Variants in TOP2B observed in about 807,000 individuals in gnomAD.
TOP2B encodes DNA topoisomerase II beta, also known as DNA topoisomerase 2-beta.
A neutral mutation model predicts 193.5 loss-of-function variants in TOP2B; 51 were observed. The observed-to-expected ratio is 0.26, with a 90% CI of 0.21 to 0.33. The LOEUF (loss-of-function observed/expected upper bound fraction) is 0.33. TOP2B is among the 10% of genes least tolerant of loss of function. TOP2B has a pLI of 1.00. For synonymous variants in TOP2B, 634 were observed against 635.7 expected, an observed-to-expected ratio of 1.00 and a Z score of 0.04; for missense variants, 1,378 against 1,909.3, an observed-to-expected ratio of 0.72 and a Z score of 5.19.
chr3:25,659,826 A>G (rs1703857631), intron 1 of TOP2B, among the ~76,000 whole-genome samples: 1 of 152,196 alleles, frequency 6.6e-6, no homozygotes, highest in Non-Finnish European at 1.5e-5. Flanking sequence ...CAATGTTTTT[A>G]AAGTTGAAGG....
intron 4 of TOP2B, 60 bp downstream of exon 4, chr3:25,642,262 T>A: frequency 9.8e-7 from 1 of 1,016,680 alleles, no homozygotes; most frequent in Non-Finnish European, 1.5e-6. Context: ...GGAGTACTCA[T>A]AAATTGGGGA....
intron 3 of TOP2B, 130 bp downstream of exon 3, chr3:25,643,564 T>C: frequency 1.5e-6 from 1 of 650,478 alleles, no homozygotes; most frequent in Non-Finnish European, 2.7e-6. Context: ...TGAAGATCAT[T>C]TATATTCAGA....
intron 1 of TOP2B, among the ~76,000 whole-genome samples, chr3:25,663,637 T>C (rs1286283793): frequency 1.3e-5 from 2 of 152,180 alleles, no homozygotes; most frequent in Non-Finnish European, 2.9e-5. Flanking sequence ...AATCTCACCC[T>C]GACAGAGGGA....
In TOP2B at chr3:25,606,087, C is replaced by A; in HGVS notation, c.4334G>T (p.Gly1445Val). The A allele has an allele frequency of 6.6e-7, 1 of 1,508,130 alleles. No individual in the cohort carries two copies. The highest frequency in any genetic ancestry group is 8.9e-7 in the Non-Finnish European group (1 of 1,119,746). 93.4% of individuals were successfully genotyped at this position (1,508,130 alleles called of 1,614,324 possible). A position where few individuals can be genotyped will look rare whatever the true frequency, so the allele number is the denominator to read the frequency against. Residue 1445 changes from glycine (G) to valine (V), a missense_variant, in exon 32 of 36, where the codon GGA (glycine) becomes GTA (valine). Transcript: ENST00000264331. ...ATATGAAGGAAATGAGAAGAGATTT[C>A]CAAAATCCTGACTTTTTTTGTCATG... Reference protein sequence around the residue: ...SLHDKKSQDFGNLFSFPSYSQ... With the variant: ...SLHDKKSQDFVNLFSFPSYSQ...
rs1295352710 is a variant in TOP2B at position 25,628,832 on chromosome 3, T to C, written c.1906+15A>G. On this transcript the variant is annotated intron_variant, in intron 15 of 35. Coordinates refer to ENST00000264331, the MANE Select transcript of TOP2B (RefSeq NM_001330700.2). ...TATATCAGTATTTAAAATCTAAGTATTTTAAAATACAAACCTTTATAGTAC... is the reference window on the plus strand; with the variant it reads ...TATATCAGTATTTAAAATCTAAGTACTTTAAAATACAAACCTTTATAGTAC... 1.4e-6 allele frequency: 2 copies of C among 1,409,464 alleles called. No homozygotes were observed. Among genetic ancestry groups the C allele is most frequent in the Non-Finnish European group, 1.9e-6 (2 of 1,034,380 alleles). The allele number at this position is 1,409,464 out of a possible 1,614,324, so 87.3% of individuals were successfully genotyped here. A position where few individuals can be genotyped will look rare whatever the true frequency, so the allele number is the denominator to read the frequency against.
intron 4 of TOP2B, among the ~76,000 whole-genome samples, chr3:25,641,305 T>C (rs1446829038): frequency 1.3e-5 from 2 of 152,314 alleles, no homozygotes; most frequent in East Asian, 1.9e-4. Context: ...TTCAAAGATA[T>C]CAAACATTCA....
chr3:25,656,812 T>C (rs776427937), intron 1 of TOP2B, among the ~76,000 whole-genome samples: 24 of 152,362 alleles, frequency 1.6e-4, no homozygotes, highest in Non-Finnish European at 3.2e-4. Flanking sequence ...TTATCTTTTC[T>C]ACACCTTTTC....
chr3:25,604,830 A>C lies in TOP2B; in HGVS notation c.4419T>G (p.Ser1473=). 3.7e-6 allele frequency: 6 copies of C among 1,613,000 alleles called. No individual in the cohort carries two copies. The highest frequency in any genetic ancestry group is 4.2e-6 in the Non-Finnish European group (5 of 1,179,400). Residue 1473 remains serine (S), a synonymous_variant, in exon 33 of 36, where the codon TCT becomes TCG. Transcript: ENST00000264331. ...TCAGACCAAATGATGGTGAAAAAAC[A>C]GAAGCAGAATCTTCTTCATTACTGT... The part of the protein sequence containing the change: ...KFDSNEEDSA[S]VFSPSFGLKQ...
intron 4 of TOP2B, among the ~76,000 whole-genome samples, chr3:25,642,119 T>C (rs1253798958): frequency 1.3e-5 from 2 of 151,888 alleles, no homozygotes; most frequent in Non-Finnish European, 2.9e-5. Flanking sequence ...CAAAGAAAAA[T>C]GGTCTCCAAG....
intron 31 of TOP2B, 29 bp from the exon 32 acceptor site, chr3:25,606,151 G>T: frequency 9.2e-7 from 1 of 1,089,168 alleles, no homozygotes; most frequent in Non-Finnish European, 1.3e-6. Context: ...ACACCACAGA[G>T]GATACAATTT....
intron 1 of TOP2B, among the ~76,000 whole-genome samples, chr3:25,658,059 T>A (rs1256307750): frequency 7.3e-5 from 4 of 54,854 alleles, no homozygotes; most frequent in African/African-American, 3.4e-4. Flanking sequence ...AGACTCCGTC[T>A]CAAAAAAAAA....
At chr3:25,629,279 A>G in intron 13 of TOP2B, 134 bp from the exon 14 acceptor site, 1 of 572,916 alleles carries the variant, frequency 1.7e-6, no homozygotes, top group Non-Finnish European at 2.9e-6. Context: ...AAAAGCTATT[A>G]AGATGATCAT....
At chr3:25,606,173 T>G in intron 31 of TOP2B, 51 bp from the exon 32 acceptor site, 2 of 856,198 alleles carry the variant, frequency 2.3e-6, no homozygotes, top group Non-Finnish European at 3.5e-6. Context: ...AATATCTGAT[T>G]TCAATCCTGA....
chr3:25,652,727 A>T (rs1201416901), intron 1 of TOP2B, among the ~76,000 whole-genome samples: 1 of 152,130 alleles, frequency 6.6e-6, no homozygotes, highest in Non-Finnish European at 1.5e-5. Context: ...TAACAACCTA[A>T]CTTTAGACCC....
chr3:25,604,206 G>C (rs1408787907), intron 33 of TOP2B, among the ~76,000 whole-genome samples: 1 of 151,880 alleles, frequency 6.6e-6, no homozygotes, highest in Non-Finnish European at 1.5e-5. Flanking sequence ...AGATTTGTGG[G>C]GTTTTTTTTA....
chr3:25,664,172 G>GC, intron 1 of TOP2B, 57 bp downstream of exon 1: 1 of 1,488,448 alleles, frequency 6.7e-7, no homozygotes, highest in Non-Finnish European at 9.0e-7. Context: ...TCGGAATTCC[G>GC]CCCCCGCCGC....
chr3:25,599,324 G>A lies in TOP2B; in HGVS notation c.4710+111C>T, dbSNP rs17016863. ...CCAAATACAAGCCCCATATTGATAC[G>A]AGATGCTAGGTGGAAAGCTGTTCCA... On this transcript the variant is annotated intron_variant, in intron 35 of 35. Coordinates refer to ENST00000264331, the MANE Select transcript of TOP2B (RefSeq NM_001330700.2). The A allele has an allele frequency of 0.011, 9,634 of 860,728 alleles. 550 individuals are homozygous for A. The African/African-American group carries it at 0.14, about 12-fold the overall frequency. The allele number at this position is 860,728 out of a possible 1,614,324, so 53.3% of individuals were successfully genotyped here.
intron 28 of TOP2B, among the ~76,000 whole-genome samples, chr3:25,610,383 G>A (rs1322014567): frequency 2.0e-5 from 3 of 152,122 alleles, no homozygotes; most frequent in East Asian, 3.9e-4. Flanking sequence ...GGCCCAAGGG[G>A]AGAAGTGAGA....
chr3:25,661,931 A>G (rs369427341), intron 1 of TOP2B, among the ~76,000 whole-genome samples: 7 of 152,364 alleles, frequency 4.6e-5, no homozygotes, highest in African/African-American at 1.7e-4. Context: ...AGCAGGTGGC[A>G]ACATAACACT....
Sources: gnomAD v4.1 joint callset for allele counts (sites outside exome capture counted in the v4.1 genomes callset) on GRCh38, gnomAD v4.1.1 for gene constraint, MANE v1.5 for transcripts, NCBI Gene and HGNC (gene_info 2026-07-23, HGNC 2026-07-21) for gene names.